MTCL2: variants seen among roughly 807,000 people sequenced by gnomAD.
The protein encoded by MTCL2 is microtubule crosslinking factor 2, also known as microtubule cross-linking factor 2.
the MTCL2 span, among the ~76,000 whole-genome samples, chr20:36,816,491 T>C: frequency 4.6e-5 from 7 of 151,878 alleles, no homozygotes; most frequent in East Asian, 1.4e-3. Context: ...ACAGCAAGGA[T>C]GGGGCGCCAC....
the MTCL2 span, chr20:36,859,570 C>T: frequency 8.1e-7 from 1 of 1,227,240 alleles, no homozygotes. Context: ...AGTGAGCTCA[C>T]TACCTTCTCT....
At chr20:36,791,287 C>A in the MTCL2 span, among the ~76,000 whole-genome samples, 3 of 152,004 alleles carry the variant, frequency 2.0e-5, no homozygotes, top group Non-Finnish European at 4.4e-5. Flanking sequence ...CCCGCCTCGG[C>A]CTCCCAAAGT....
chr20:36,816,992 C>T, the MTCL2 span, among the ~76,000 whole-genome samples: 8 of 151,658 alleles, frequency 5.3e-5, no homozygotes, highest in East Asian at 5.8e-4. Context: ...GGGGGCCGGG[C>T]GCAGTGGCTC....
chr20:36,815,508 C>G, the MTCL2 span: 1 of 1,581,892 alleles, frequency 6.3e-7, no homozygotes, highest in Non-Finnish European at 8.6e-7. The surrounding 1 kb of genome is among the most constrained non-coding windows in gnomAD (Gnocchi z 5.3). Context: ...CCTGGCTCTG[C>G]AGAGTCGGAC....
the MTCL2 span, among the ~76,000 whole-genome samples, chr20:36,858,732 C>A: frequency 1.3e-5 from 2 of 152,172 alleles, no homozygotes; most frequent in African/African-American, 2.4e-5. Flanking sequence ...CTTGTCTATT[C>A]ACACTTCCCT....
the MTCL2 span, chr20:36,815,515 G>A: frequency 1.3e-6 from 2 of 1,577,812 alleles, no homozygotes; most frequent in Non-Finnish European, 1.7e-6. The surrounding 1 kb of genome is among the most constrained non-coding windows in gnomAD (Gnocchi z 5.3). Context: ...CTGCAGAGTC[G>A]GACCGCATGG....
At chr20:36,777,807 G>C in the MTCL2 span, 1 of 616,818 alleles carries the variant, frequency 1.6e-6, no homozygotes, top group Non-Finnish European at 2.9e-6. Context: ...GAGGGGCCAG[G>C]ATGAGGAGGA....
the MTCL2 span, among the ~76,000 whole-genome samples, chr20:36,861,969 A>G: frequency 2.0e-5 from 3 of 152,184 alleles, no homozygotes; most frequent in East Asian, 1.9e-4. Flanking sequence ...CGAGGGGCCA[A>G]TGGGGCTGTT....
chr20:36,796,766 G>A, the MTCL2 span: 262 of 964,556 alleles, frequency 2.7e-4, 1 homozygote, highest in Middle Eastern at 6.3e-3. Context: ...GCAAAGGGGC[G>A]GGGCAGGGCT....
chr20:36,786,884 C>T, the MTCL2 span, among the ~76,000 whole-genome samples: 1 of 152,176 alleles, frequency 6.6e-6, no homozygotes, highest in Non-Finnish European at 1.5e-5. Context: ...CATGGTCCTG[C>T]ACGCCAAAGA....
chr20:36,809,256 C>T, the MTCL2 span, among the ~76,000 whole-genome samples: 1 of 152,164 alleles, frequency 6.6e-6, no homozygotes, highest in Non-Finnish European at 1.5e-5. Context: ...CATCAGTTTC[C>T]CCATCTGCAA....
chr20:36,791,117 C>G, the MTCL2 span, among the ~76,000 whole-genome samples: 3 of 152,028 alleles, frequency 2.0e-5, no homozygotes, highest in Non-Finnish European at 4.4e-5. Context: ...TCACTGCAGC[C>G]TCCGCCTCCT....
the MTCL2 span, chr20:36,785,349 A>G: frequency 1.0e-6 from 1 of 985,104 alleles, no homozygotes; most frequent in Non-Finnish European, 1.2e-6. Context: ...AAATTACCTT[A>G]GGGACTTTGG....
the MTCL2 span, among the ~76,000 whole-genome samples, chr20:36,797,943 C>T: frequency 3.9e-5 from 6 of 152,218 alleles, no homozygotes; most frequent in South Asian, 4.2e-4. Flanking sequence ...CCACAGTGGC[C>T]GTCATTTATG....
the MTCL2 span, chr20:36,777,681 T>C: frequency 6.0e-6 from 3 of 498,718 alleles, no homozygotes; most frequent in Non-Finnish European, 1.1e-5. Context: ...ATGCCCTTGG[T>C]CCCTTCCCTC....
At chr20:36,843,270 G>T in the MTCL2 span, among the ~76,000 whole-genome samples, 2 of 152,202 alleles carry the variant, frequency 1.3e-5, no homozygotes, top group African/African-American at 4.8e-5. Context: ...GAGGAAGGGG[G>T]TACGACTGGG....
the MTCL2 span, among the ~76,000 whole-genome samples, chr20:36,851,891 A>G: frequency 6.6e-6 from 1 of 152,172 alleles, no homozygotes; most frequent in African/African-American, 2.4e-5. Context: ...CTACTCCCCT[A>G]CAGAAAACTA....
chr20:36,817,387 CG>C, the MTCL2 span: 9 of 1,563,810 alleles, frequency 5.8e-6, no homozygotes, highest in African/African-American at 2.7e-5. Context: ...AACCTTCCTA[CG>C]GGGGCTGCTG....
the MTCL2 span, among the ~76,000 whole-genome samples, chr20:36,853,431 G>A: frequency 2.0e-5 from 3 of 152,196 alleles, no homozygotes; most frequent in Non-Finnish European, 2.9e-5. Context: ...GGACTAGACA[G>A]TCTTATAATG....
Sources: gnomAD v4.1 joint callset for allele counts (sites outside exome capture counted in the v4.1 genomes callset) on GRCh38, gnomAD v4.1.1 for gene constraint, Gnocchi (gnomAD v3.1) non-coding constraint, MANE v1.5 for transcripts, NCBI Gene and HGNC (gene_info 2026-07-23, HGNC 2026-07-21) for gene names.